The following SLC35F4 variants were observed in gnomAD, a reference collection of about 807,000 sequenced individuals.
The protein encoded by SLC35F4 is solute carrier family 35 member F4, also known as chromosome 14 open reading frame 36.
SLC35F4 carries 24 observed loss-of-function variants against 44.2 expected under a neutral mutation model. The ratio of observed to expected loss-of-function variants is 0.54; its 90% CI spans 0.39 to 0.76. SLC35F4 has a LOEUF of 0.76. SLC35F4 is among the 30% of genes least tolerant of loss of function. The probability of loss-of-function intolerance (pLI) is 0.00; values close to 1 mark genes in which losing one functional copy is unlikely to be tolerated. For missense variants in SLC35F4, 562 were observed against 586.1 expected (o/e 0.96, Z 0.42); for synonymous variants, 238 against 223.6 (o/e 1.06, Z -0.57).
chr14:57,564,256 C>T lies in SLC35F4; in HGVS notation c.1337G>A (p.Arg446Lys), dbSNP rs1455809073. The T allele has an allele frequency of 6.2e-7, 1 of 1,613,354 alleles. No individual in the cohort carries two copies. Residue 446 changes from arginine (R) to lysine (K), a missense_variant, in exon 8 of 8, where the codon AGG becomes AAG. Coordinates refer to ENST00000556826, the MANE Select transcript of SLC35F4 (RefSeq NM_001306087.2). The stretch of plus-strand genomic sequence containing the variant: ...CTTTTCCTTCAGGCTGTTGATGAAC[C>T]TCAGGGTGATTTCATCCCATTCCTC... ...LPEEWDEITL[R>K]FINSLKEKKS...
At chr14:57,908,738 G>T (rs1446349384) in intron 1 of SLC35F4, among the ~76,000 whole-genome samples, 2 of 152,140 alleles carry the variant, frequency 1.3e-5, no homozygotes, top group Non-Finnish European at 2.9e-5. Context: ...TAGGTTGCCT[G>T]CTCACTCTAA....
intron 1 of SLC35F4, among the ~76,000 whole-genome samples, chr14:57,763,887 A>C (rs1294827494): frequency 2.0e-5 from 3 of 152,168 alleles, no homozygotes; most frequent in African/African-American, 7.2e-5. Context: ...TACCCATTAA[A>C]CCTCAGCAGA....
At chr14:57,574,518 T>TAAG (rs1412440521) in intron 4 of SLC35F4, among the ~76,000 whole-genome samples, 3 of 152,188 alleles carry the variant, frequency 2.0e-5, no homozygotes, top group African/African-American at 7.2e-5. Context: ...CAGTAATTCA[T>TAAG]AAGTTATATA....
chr14:57,843,923 T>C (rs1014124020), intron 1 of SLC35F4, among the ~76,000 whole-genome samples: 1 of 152,136 alleles, frequency 6.6e-6, no homozygotes, highest in Admixed American at 6.6e-5. Context: ...GAGAGAGTCA[T>C]CTGCGGAGCT....
chr14:57,817,295 T>C (rs1882707658), intron 1 of SLC35F4, among the ~76,000 whole-genome samples: 2 of 152,148 alleles, frequency 1.3e-5, no homozygotes, highest in South Asian at 4.1e-4. Flanking sequence ...CCTTGAGCCT[T>C]AGATGTAGAA....
At chr14:57,965,490 T>C (rs1232134821) in intron 1 of SLC35F4, among the ~76,000 whole-genome samples, 2 of 152,182 alleles carry the variant, frequency 1.3e-5, no homozygotes. Context: ...TAAGATCACA[T>C]ACCCACAGGT....
At chr14:57,579,385 TG>T (rs1331928089) in intron 4 of SLC35F4, 3 of 152,244 alleles carry the variant, frequency 2.0e-5, no homozygotes, top group Non-Finnish European at 4.4e-5. Context: ...GTTACACAGT[TG>T]TTTTCTTTTT....
downstream of SLC35F4, among the ~76,000 whole-genome samples, chr14:57,971,925 G>A (rs949521506): frequency 1.3e-5 from 2 of 152,198 alleles, no homozygotes; most frequent in Non-Finnish European, 2.9e-5. Flanking sequence ...AAACAAACAA[G>A]AAGCCGAGAT....
intron 1 of SLC35F4, among the ~76,000 whole-genome samples, chr14:57,644,105 C>T (rs138192760): frequency 6.3e-4 from 96 of 152,044 alleles, no homozygotes; most frequent in Middle Eastern, 3.4e-3. Flanking sequence ...TATAGCAGCA[C>T]GATTTATAAT....
chr14:57,841,736 C>G (rs143437546), intron 1 of SLC35F4, among the ~76,000 whole-genome samples: 7 of 152,228 alleles, frequency 4.6e-5, no homozygotes, highest in Non-Finnish European at 1.0e-4. Flanking sequence ...TCTACAGAAA[C>G]TACAAGCCAC....
At chr14:57,961,637 G>T in intron 1 of SLC35F4, among the ~76,000 whole-genome samples, 1 of 152,156 alleles carries the variant, frequency 6.6e-6, no homozygotes, top group East Asian at 1.9e-4. Context: ...ATTCCTGGCG[G>T]GATGGCTGCC....
intron 1 of SLC35F4, among the ~76,000 whole-genome samples, chr14:57,897,356 G>A (rs887774138): frequency 1.3e-5 from 2 of 151,988 alleles, no homozygotes; most frequent in Admixed American, 6.6e-5. Context: ...CAAAGAGAAG[G>A]CATCAGGGAG....
At chr14:57,932,050 GC>G (rs1176098559) in intron 1 of SLC35F4, among the ~76,000 whole-genome samples, 3 of 152,174 alleles carry the variant, frequency 2.0e-5, no homozygotes, top group African/African-American at 4.8e-5. Context: ...CCATCTCACT[GC>G]CTTGCTGACT....
At chr14:57,805,080 C>T (rs1011618490) in intron 1 of SLC35F4, among the ~76,000 whole-genome samples, 1 of 152,156 alleles carries the variant, frequency 6.6e-6, no homozygotes, top group African/African-American at 2.4e-5. Context: ...GATACCATCT[C>T]ACACCAGTCA....
intron 1 of SLC35F4, among the ~76,000 whole-genome samples, chr14:57,872,015 A>G (rs551162249): frequency 1.1e-4 from 16 of 152,252 alleles, no homozygotes; most frequent in Admixed American, 5.2e-4. Context: ...ATCATAGAGA[A>G]GACAAAACAA....
chr14:57,589,127 C>T, intron 3 of SLC35F4, 89 bp downstream of exon 3: 2 of 1,422,610 alleles, frequency 1.4e-6, no homozygotes, highest in Non-Finnish European at 1.9e-6. Context: ...CCCCAAAAAA[C>T]TCAACTCATA....
chr14:57,892,739 T>C (rs139702953), intron 1 of SLC35F4, among the ~76,000 whole-genome samples: 1 of 152,304 alleles, frequency 6.6e-6, no homozygotes, highest in East Asian at 1.9e-4. Flanking sequence ...TGGTACTCTT[T>C]ACAAAAGTCA....
chr14:57,980,535 T>G (rs1461286372), intron 1 of SLC35F4, among the ~76,000 whole-genome samples: 1 of 152,132 alleles, frequency 6.6e-6, no homozygotes, highest in Non-Finnish European at 1.5e-5. Flanking sequence ...AGAAAGAACC[T>G]GAGCTGATTC....
intron 1 of SLC35F4, among the ~76,000 whole-genome samples, chr14:57,899,366 C>G (rs1203333861): frequency 6.6e-6 from 1 of 152,022 alleles, no homozygotes; most frequent in Non-Finnish European, 1.5e-5. Flanking sequence ...GAGTGTTAAA[C>G]TGGCTCATAA....
Sources: allele counts gnomAD v4.1 joint callset (sites outside exome capture counted in the v4.1 genomes callset), GRCh38; gene constraint gnomAD v4.1.1; transcripts MANE v1.5; gene names NCBI Gene and HGNC (gene_info 2026-07-23, HGNC 2026-07-21).